Variants in RBMS3 observed in about 807,000 individuals in gnomAD.
RBMS3 encodes the protein RNA binding motif single stranded interacting protein 3.
A neutral mutation model predicts 66.8 loss-of-function variants in RBMS3; 27 were observed. That is an observed-to-expected ratio of 0.40 (90% confidence interval 0.30 to 0.56). The LOEUF (loss-of-function observed/expected upper bound fraction) is 0.56. Ranked by LOEUF, RBMS3 falls within the 20% of genes least tolerant of loss-of-function variation. The probability of loss-of-function intolerance (pLI) is 0.40; values close to 1 mark genes in which losing one functional copy is unlikely to be tolerated. For missense variants in RBMS3, 513 were observed against 549.5 expected (o/e 0.93, Z 0.66); for synonymous variants, 188 against 183.0 (o/e 1.03, Z -0.22).
rs145507578 is a variant in RBMS3, at chr3:29,678,089, G to A, written c.400-61631G>A. Among the ~76,000 whole-genome samples the A allele has an allele frequency of 8.7e-4, 133 of 152,208 alleles. 1 individual carries two copies. The highest frequency in any genetic ancestry group is 3.1e-3 in the African/African-American group (130 of 41,536). ...AAAGAAAGTAAGGTTACTACATTAA[G>A]GAACTAGGAACCAGTCCTTCCATCA... is the stretch of plus-strand genomic sequence containing the variant. On this transcript the variant is annotated intron_variant, in intron 4 of 14. Transcript: ENST00000383767.
intron 1 of RBMS3, among the ~76,000 whole-genome samples, chr3:29,399,094 C>T (rs902366505): frequency 5.9e-5 from 9 of 152,100 alleles, no homozygotes; most frequent in Non-Finnish European, 1.0e-4. Context: ...TCTACTTTAG[C>T]CCTGCCTCAT....
chr3:29,574,370 T>C (rs1214776116), intron 3 of RBMS3, among the ~76,000 whole-genome samples: 1 of 152,138 alleles, frequency 6.6e-6, no homozygotes, highest in Non-Finnish European at 1.5e-5. Flanking sequence ...CTTATATAAG[T>C]GTAGATACAC....
intron 4 of RBMS3, among the ~76,000 whole-genome samples, chr3:29,724,036 T>A (rs983270348): frequency 2.6e-5 from 4 of 152,068 alleles, no homozygotes; most frequent in Non-Finnish European, 4.4e-5. Context: ...CAGTTTTGAT[T>A]AATGAGCCCA....
chr3:29,925,086 G>T (rs1452257778), intron 10 of RBMS3: 2 of 152,202 alleles, frequency 1.3e-5, no homozygotes, highest in African/African-American at 4.8e-5. Flanking sequence ...GATTCGGTCA[G>T]TAGTTGGAAA....
rs1491567884 is a variant in RBMS3, at chr3:29,527,181, T to TTAAAAAAA, written c.307+38682_307+38683insTAAAAAAA. ...TTTCAGACGTGATTGTTAGGTAGAGTAAAAAAAAAAAAAAAAAAAAAAAAA... is the reference window on the plus strand; with the variant it reads ...TTTCAGACGTGATTGTTAGGTAGAGTTAAAAAAAAAAAAAAAAAAAAAAAAAAAAAAAA... On this transcript the variant is annotated intron_variant, in intron 3 of 14. Coordinates refer to ENST00000383767, the MANE Select transcript of RBMS3 (RefSeq NM_001003793.3). Among the ~76,000 whole-genome samples, 36 of 87,816 alleles carry TTAAAAAAA rather than the reference T, an allele frequency of 4.1e-4. 3 individuals are homozygous for TTAAAAAAA. The highest frequency in any genetic ancestry group is 1.0e-3 in the African/African-American group (21 of 21,070). 57.6% of individuals were successfully genotyped at this position (87,816 alleles called of 152,430 possible).
chr3:29,788,418 G>C (rs541693585), intron 6 of RBMS3, among the ~76,000 whole-genome samples: 1 of 151,936 alleles, frequency 6.6e-6, no homozygotes, highest in South Asian at 2.1e-4. Context: ...GTAGAGACGG[G>C]GTTTCATTGT....
intron 8 of RBMS3, among the ~76,000 whole-genome samples, chr3:29,887,504 C>T (rs1314863400): frequency 6.6e-6 from 1 of 151,756 alleles, no homozygotes; most frequent in East Asian, 1.9e-4. Flanking sequence ...GAGAAGGTAT[C>T]TTGCTTCCCC....
At chr3:29,473,742 C>G (rs1295926986) in intron 2 of RBMS3, among the ~76,000 whole-genome samples, 1 of 152,248 alleles carries the variant, frequency 6.6e-6, no homozygotes, top group Non-Finnish European at 1.5e-5. Flanking sequence ...GCTGCTGGCC[C>G]AGGTACTAAG....
intron 2 of RBMS3, among the ~76,000 whole-genome samples, chr3:29,435,464 A>G (rs1478043436): frequency 6.6e-6 from 1 of 152,210 alleles, no homozygotes; most frequent in African/African-American, 2.4e-5. Context: ...CACCAAGGCC[A>G]AGGACCACAC....
intron 7 of RBMS3, among the ~76,000 whole-genome samples, chr3:29,876,897 A>G (rs2059621695): frequency 6.6e-6 from 1 of 152,122 alleles, no homozygotes; most frequent in Admixed American, 6.5e-5. Context: ...TATGGGCCAG[A>G]TTTTATCTTA....
At chr3:29,343,638 G>T (rs951032809) in intron 1 of RBMS3, among the ~76,000 whole-genome samples, 1 of 152,076 alleles carries the variant, frequency 6.6e-6, no homozygotes, top group Non-Finnish European at 1.5e-5. Flanking sequence ...ATTGGAATAC[G>T]ACTTAGGTCT....
intron 1 of RBMS3, among the ~76,000 whole-genome samples, chr3:29,369,836 A>G (rs1023425399): frequency 1.3e-5 from 2 of 152,116 alleles, no homozygotes; most frequent in Non-Finnish European, 2.9e-5. Flanking sequence ...AGCCATTTTT[A>G]TCACACTCTC....
chr3:29,947,481 A>T lies in RBMS3; in HGVS notation c.1098+3227A>T, dbSNP rs374951424. Among the ~76,000 whole-genome samples the T allele has an allele frequency of 2.0e-3, 302 of 151,714 alleles. 12 individuals are homozygous for T. The South Asian group carries it at 0.062, about 31-fold the overall frequency. The stretch of plus-strand genomic sequence containing the variant: ...TAAAGCAGAAATGGTGATGTTCAAA[A>T]GAAAGAAGGAAGCTTGGGAAACAAA... On this transcript the variant is annotated intron_variant, in intron 12 of 14. Coordinates refer to ENST00000383767, the MANE Select transcript of RBMS3 (RefSeq NM_001003793.3).
chr3:29,334,383 T>C (rs2035830777), intron 1 of RBMS3, among the ~76,000 whole-genome samples: 1 of 152,190 alleles, frequency 6.6e-6, no homozygotes, highest in African/African-American at 2.4e-5. Flanking sequence ...ATCAAGTGTT[T>C]TCTTAATATT....
chr3:29,431,109 G>A (rs1460544866), intron 1 of RBMS3, among the ~76,000 whole-genome samples: 1 of 152,042 alleles, frequency 6.6e-6, no homozygotes, highest in Non-Finnish European at 1.5e-5. Flanking sequence ...TAAGAAACTT[G>A]AGCTTTCTGT....
chr3:29,834,430 C>T (rs1013129664), intron 6 of RBMS3, among the ~76,000 whole-genome samples: 4 of 151,478 alleles, frequency 2.6e-5, no homozygotes, highest in Admixed American at 2.0e-4. Flanking sequence ...TGATGTAAGT[C>T]GTAACAATAA....
chr3:29,998,248 G>A (rs544942165), intron 14 of RBMS3, among the ~76,000 whole-genome samples: 1 of 151,994 alleles, frequency 6.6e-6, no homozygotes, highest in Admixed American at 6.6e-5. Context: ...ACAAACCACT[G>A]CTCAATGAAA....
At chr3:29,642,944 C>T (rs2049781187) in intron 4 of RBMS3, 1 of 152,120 alleles carries the variant, frequency 6.6e-6, no homozygotes, top group South Asian at 2.1e-4. Flanking sequence ...GGTGGCTAGT[C>T]AAGCCTGGCG....
At chr3:29,330,491 C>T (rs767126049) in intron 1 of RBMS3, among the ~76,000 whole-genome samples, 20 of 150,960 alleles carry the variant, frequency 1.3e-4, no homozygotes, top group Non-Finnish European at 2.6e-4. Context: ...ATAGCTCATC[C>T]CCTTTTCTGG....
Sources: allele counts gnomAD v4.1 joint callset (sites outside exome capture counted in the v4.1 genomes callset), GRCh38; gene constraint gnomAD v4.1.1; transcripts MANE v1.5; gene names NCBI Gene and HGNC (gene_info 2026-07-23, HGNC 2026-07-21).